Variants in DCC observed in about 807,000 individuals in gnomAD.
The protein encoded by DCC is DCC netrin 1 receptor, also known as netrin receptor DCC.
DCC carries 58 observed loss-of-function variants against 172.5 expected under a neutral mutation model. The ratio of observed to expected loss-of-function variants is 0.34; its 90% CI spans 0.27 to 0.42. The LOEUF is 0.42. Ranked by LOEUF, DCC falls within the 10% of genes least tolerant of loss-of-function variation. The pLI, the probability that DCC is intolerant of heterozygous loss-of-function variation, is 1.00. For missense variants in DCC, 1,740 were observed against 1,791.0 expected (o/e 0.97, Z 0.51); for synonymous variants, 709 against 644.5 (o/e 1.10, Z -1.52).
intron 2 of DCC, among the ~76,000 whole-genome samples, chr18:52,811,153 C>T (rs1463237100): frequency 2.0e-5 from 3 of 152,222 alleles, no homozygotes; most frequent in Non-Finnish European, 2.9e-5. Context: ...ATGACCCCTT[C>T]ACCACAAAGG....
chr18:53,026,659 G>A (rs533855866), intron 5 of DCC, among the ~76,000 whole-genome samples: 6 of 152,174 alleles, frequency 3.9e-5, no homozygotes, highest in Admixed American at 1.3e-4. Flanking sequence ...GGGCTCAAGC[G>A]AGCCTCCTTC....
At chr18:52,653,219 A>G (rs926479687) in intron 1 of DCC, among the ~76,000 whole-genome samples, 3 of 152,230 alleles carry the variant, frequency 2.0e-5, no homozygotes, top group African/African-American at 7.2e-5. Context: ...AGGTAAAATT[A>G]TATGGGAAAA....
chr18:53,342,711 C>G (rs1367207067), intron 15 of DCC, among the ~76,000 whole-genome samples: 1 of 142,804 alleles, frequency 7.0e-6, no homozygotes, highest in South Asian at 2.3e-4. Context: ...TAGGAATATA[C>G]ATATATTAGA....
At chr18:52,450,897 T>C (rs1319026127) in intron 1 of DCC, among the ~76,000 whole-genome samples, 2 of 152,206 alleles carry the variant, frequency 1.3e-5, no homozygotes, top group Non-Finnish European at 2.9e-5. Context: ...AAAAAGTATA[T>C]TAATAATTCA....
intron 1 of DCC, among the ~76,000 whole-genome samples, chr18:52,508,239 AC>A (rs1337948063): frequency 6.6e-6 from 1 of 152,158 alleles, no homozygotes; most frequent in Admixed American, 6.5e-5. Flanking sequence ...TCACCTACTA[AC>A]AGTTTGTGCT....
chr18:52,716,943 A>G (rs1247947927), intron 1 of DCC, among the ~76,000 whole-genome samples: 2 of 152,220 alleles, frequency 1.3e-5, no homozygotes, highest in Non-Finnish European at 2.9e-5. Context: ...GGGAGGCTAA[A>G]TGGAATTACA....
intron 5 of DCC, among the ~76,000 whole-genome samples, chr18:52,995,280 T>G (rs2041460143): frequency 1.3e-5 from 2 of 152,098 alleles, no homozygotes; most frequent in Admixed American, 6.6e-5. Flanking sequence ...GTGTCAGGCT[T>G]CTTCTTATCC....
intron 2 of DCC, among the ~76,000 whole-genome samples, chr18:52,760,562 C>A (rs1027904110): frequency 2.0e-5 from 3 of 152,140 alleles, no homozygotes; most frequent in Admixed American, 2.0e-4. Context: ...ATGTCCTGCA[C>A]CCCATCATTA....
intron 2 of DCC, among the ~76,000 whole-genome samples, chr18:52,833,690 A>AT: frequency 6.6e-6 from 1 of 152,178 alleles, no homozygotes; most frequent in Non-Finnish European, 1.5e-5. Context: ...ATGAGGTGAA[A>AT]TGGACTTCAA....
At position 52,858,249 on chromosome 18, in the gene DCC, A is replaced by G. The variant is rs147731253; in HGVS notation, c.413-47795A>G. On this transcript the variant is annotated intron_variant, in intron 2 of 28. Transcript: ENST00000442544. ...ATGGAGTATTGCTTTCTCAAGCCTC[A>G]AAGAAATTCTTGAAATGGTATTAGA... Among the ~76,000 whole-genome samples the G allele has an allele frequency of 2.9e-4, 44 of 152,344 alleles. 1 individual carries two copies. In the East Asian group the frequency reaches 4.6e-3, roughly 16 times the overall value.
intron 15 of DCC, among the ~76,000 whole-genome samples, chr18:53,365,402 A>ATC (rs1327695583): frequency 6.7e-5 from 10 of 150,118 alleles, no homozygotes; most frequent in African/African-American, 2.5e-4. Flanking sequence ...TAATATATAT[A>ATC]TATATAAAAG....
At chr18:52,398,594 C>T (rs979432826) in intron 1 of DCC, among the ~76,000 whole-genome samples, 1 of 151,882 alleles carries the variant, frequency 6.6e-6, no homozygotes, top group Non-Finnish European at 1.5e-5. Context: ...TGGAAGAATA[C>T]AGAGAGGCAA....
intron 1 of DCC, among the ~76,000 whole-genome samples, chr18:52,515,171 GC>G (rs1333078642): frequency 1.3e-5 from 2 of 152,136 alleles, no homozygotes; most frequent in Non-Finnish European, 2.9e-5. Context: ...TTTGACAAAG[GC>G]TCAAAGCCAA....
chr18:52,694,218 C>T (rs919294708), intron 1 of DCC, among the ~76,000 whole-genome samples: 15 of 152,096 alleles, frequency 9.9e-5, no homozygotes, highest in African/African-American at 3.1e-4. Context: ...AAACGCCTGG[C>T]CAGTACTCCC....
chr18:52,740,974 A>G (rs1013899178), intron 1 of DCC, among the ~76,000 whole-genome samples: 2 of 152,178 alleles, frequency 1.3e-5, no homozygotes, highest in Non-Finnish European at 2.9e-5. Flanking sequence ...TCCTTGTTTT[A>G]TTAATGAGTG....
chr18:53,359,771 C>G (rs2057923855), intron 15 of DCC, among the ~76,000 whole-genome samples: 1 of 152,130 alleles, frequency 6.6e-6, no homozygotes, highest in Non-Finnish European at 1.5e-5. Context: ...CAGAATTCCT[C>G]AAGGAGAAGC....
At chr18:52,890,978 G>T (rs144917869) in intron 2 of DCC, among the ~76,000 whole-genome samples, 96 of 152,142 alleles carry the variant, frequency 6.3e-4, no homozygotes, top group African/African-American at 2.1e-3. Flanking sequence ...GCAATATTTA[G>T]ACAACCTTTG....
intron 2 of DCC, among the ~76,000 whole-genome samples, chr18:52,826,077 A>G (rs1440861875): frequency 1.3e-5 from 2 of 152,162 alleles, no homozygotes; most frequent in Non-Finnish European, 2.9e-5. Flanking sequence ...TTATAGCCCC[A>G]TTTTTCTTCA....
At chr18:53,244,922 G>A (rs1380398927) in intron 12 of DCC, among the ~76,000 whole-genome samples, 2 of 152,032 alleles carry the variant, frequency 1.3e-5, no homozygotes, top group Non-Finnish European at 2.9e-5. Context: ...GGGGATAAAA[G>A]CAATATATCC....
Sources: allele counts gnomAD v4.1 joint callset (sites outside exome capture counted in the v4.1 genomes callset), GRCh38; gene constraint gnomAD v4.1.1; transcripts MANE v1.5; gene names NCBI Gene and HGNC (gene_info 2026-07-23, HGNC 2026-07-21).